MARCHF1: variants seen among roughly 807,000 people sequenced by gnomAD.
MARCHF1 encodes membrane associated ring-CH-type finger 1.
Under a neutral mutation model 54.2 loss-of-function variants are expected in MARCHF1, and 40 were observed. That is an observed-to-expected ratio of 0.74 (90% CI 0.57 to 0.96). The LOEUF (loss-of-function observed/expected upper bound fraction) is 0.96. MARCHF1 is among the 40% of genes least tolerant of loss of function. The pLI is 0.00. For synonymous variants in MARCHF1, 236 were observed against 236.3 expected (o/e 1.00, Z 0.01); for missense variants, 586 against 656.5 (o/e 0.89, Z 1.17).
chr4:163,893,023 T>C lies in MARCHF1; in HGVS notation c.-38-38854A>G, dbSNP rs147615245. Among the ~76,000 whole-genome samples, 412 of 151,904 alleles carry C rather than the reference T, an allele frequency of 2.7e-3. 4 individuals carry two copies. The highest frequency in any genetic ancestry group is 9.0e-3 in the African/African-American group (373 of 41,446). On this transcript the variant is annotated intron_variant, in intron 3 of 9. Transcript: ENST00000514618. ...CTGAACTTAGGCAAAACGGATCTTT[T>C]ATAAAGCACAATAAGTCAGTTTGAC...
At chr4:163,633,377 A>G (rs1210014226) in intron 5 of MARCHF1, among the ~76,000 whole-genome samples, 3 of 152,254 alleles carry the variant, frequency 2.0e-5, no homozygotes, top group Admixed American at 6.5e-5. Context: ...ATAACTAGAA[A>G]AACCAATACA....
chr4:163,947,333 C>A (rs1275173513), intron 3 of MARCHF1, among the ~76,000 whole-genome samples: 1 of 152,090 alleles, frequency 6.6e-6, no homozygotes, highest in Non-Finnish European at 1.5e-5. Flanking sequence ...GAATAATGTT[C>A]CCAAACTGTT....
At chr4:164,276,377 CT>C (rs1733880046) in intron 1 of MARCHF1, among the ~76,000 whole-genome samples, 1 of 152,044 alleles carries the variant, frequency 6.6e-6, no homozygotes, top group South Asian at 2.1e-4. Context: ...CAAAATTGTG[CT>C]TTTCCTCAAA....
chr4:163,870,876 C>T (rs1183314128), intron 3 of MARCHF1, among the ~76,000 whole-genome samples: 1 of 151,996 alleles, frequency 6.6e-6, no homozygotes, highest in Non-Finnish European at 1.5e-5. Flanking sequence ...TTAATGAATA[C>T]AAAATTACAG....
chr4:164,204,515 C>T (rs997645044), intron 1 of MARCHF1, among the ~76,000 whole-genome samples: 3 of 152,160 alleles, frequency 2.0e-5, no homozygotes, highest in African/African-American at 7.2e-5. Flanking sequence ...AAGTACAGAA[C>T]ATATTTTGCC....
intron 1 of MARCHF1, among the ~76,000 whole-genome samples, chr4:164,250,662 A>G (rs980840505): frequency 6.6e-6 from 1 of 152,116 alleles, no homozygotes; most frequent in African/African-American, 2.4e-5. Context: ...TTGATCATAA[A>G]TCTCATAAAA....
intron 2 of MARCHF1, among the ~76,000 whole-genome samples, chr4:164,011,263 C>A (rs1753413926): frequency 6.6e-6 from 1 of 152,098 alleles, no homozygotes; most frequent in Admixed American, 6.5e-5. Flanking sequence ...CAAAAATTGA[C>A]AAATGAGATC....
intron 1 of MARCHF1, among the ~76,000 whole-genome samples, chr4:164,230,454 T>C (rs1254163525): frequency 6.6e-6 from 1 of 152,024 alleles, no homozygotes; most frequent in Non-Finnish European, 1.5e-5. Flanking sequence ...TGTAACATTT[T>C]GATAGATGTA....
intron 4 of MARCHF1, among the ~76,000 whole-genome samples, chr4:163,726,365 A>C (rs1323942230): frequency 1.3e-5 from 2 of 152,194 alleles, no homozygotes; most frequent in Non-Finnish European, 2.9e-5. Context: ...TGAAATAATA[A>C]AGGATGTAGT....
At chr4:164,038,366 A>C (rs1320124055) in intron 2 of MARCHF1, among the ~76,000 whole-genome samples, 2 of 152,076 alleles carry the variant, frequency 1.3e-5, no homozygotes, top group Non-Finnish European at 2.9e-5. Flanking sequence ...TGGTGGCGGC[A>C]CCTGTAGTCC....
chr4:163,728,665 A>G (rs1436984494), intron 4 of MARCHF1, among the ~76,000 whole-genome samples: 1 of 152,224 alleles, frequency 6.6e-6, no homozygotes, highest in Non-Finnish European at 1.5e-5. Flanking sequence ...GAAACCTCAC[A>G]ATAATCACTT....
In MARCHF1 at chr4:163,894,556, C is replaced by CATGCATATATATATATGCATATATATGTG. The variant is rs1560807518; in HGVS notation, c.-38-40388_-38-40387insCACATATATATGCATATATATATATGCAT. ...GAAAGATAAGAAATCTACTCCTGCA[C>CATGCATATATATATATGCATATATATGTG]ATGCATATATATATATGCATGTGAT... On this transcript the variant is annotated intron_variant, in intron 3 of 9. Transcript: ENST00000514618. Among the ~76,000 whole-genome samples the CATGCATATATATATATGCATATATATGTG allele has an allele frequency of 3.9e-4, 10 of 25,390 alleles. 4 individuals are homozygous for CATGCATATATATATATGCATATATATGTG. The highest frequency in any genetic ancestry group is 2.4e-3 in the African/African-American group (10 of 4,246). The allele number at this position is 25,390 out of a possible 152,430, so 16.7% of individuals were successfully genotyped here. A position where few individuals can be genotyped will look rare whatever the true frequency, so the allele number is the denominator to read the frequency against.
intron 4 of MARCHF1, among the ~76,000 whole-genome samples, chr4:163,801,643 A>G (rs535182461): frequency 1.3e-5 from 2 of 152,254 alleles, no homozygotes; most frequent in East Asian, 3.9e-4. Flanking sequence ...AATATGCACC[A>G]TCTTCCCCAC....
At chr4:163,728,401 A>C (rs1028903358) in intron 4 of MARCHF1, among the ~76,000 whole-genome samples, 3 of 152,212 alleles carry the variant, frequency 2.0e-5, no homozygotes, top group Non-Finnish European at 4.4e-5. Flanking sequence ...GGCAAAACTA[A>C]CATCTTAACA....
chr4:164,061,129 G>A (rs555330322), intron 2 of MARCHF1, among the ~76,000 whole-genome samples: 1 of 152,106 alleles, frequency 6.6e-6, no homozygotes, highest in African/African-American at 2.4e-5. Context: ...AATAAATTAT[G>A]AGTTGAATAT....
At chr4:164,249,764 T>TA (rs5863672) in intron 1 of MARCHF1, among the ~76,000 whole-genome samples, 1,613 of 143,620 alleles carry the variant, frequency 0.011, 28 homozygotes, top group East Asian at 0.088. Context: ...CGGTTAGGAT[T>TA]AAAAAAAAAA....
intron 2 of MARCHF1, among the ~76,000 whole-genome samples, chr4:164,074,929 A>T (rs994313208): frequency 6.6e-6 from 1 of 151,570 alleles, no homozygotes; most frequent in Non-Finnish European, 1.5e-5. Context: ...ATAAAATATA[A>T]TTTCTTATAA....
At chr4:164,260,132 A>T (rs1733423771) in intron 1 of MARCHF1, among the ~76,000 whole-genome samples, 1 of 152,148 alleles carries the variant, frequency 6.6e-6, no homozygotes, top group Non-Finnish European at 1.5e-5. Context: ...AAATCTAAAA[A>T]GTTTTATCTT....
At chr4:164,284,432 T>G (rs1045048387) in intron 1 of MARCHF1, among the ~76,000 whole-genome samples, 1 of 150,678 alleles carries the variant, frequency 6.6e-6, no homozygotes, top group Non-Finnish European at 1.5e-5. Context: ...CGCCCTATAG[T>G]GTTTTGGTGC....
Sources: gnomAD v4.1 joint callset for allele counts (sites outside exome capture counted in the v4.1 genomes callset) on GRCh38, gnomAD v4.1.1 for gene constraint, MANE v1.5 for transcripts, NCBI Gene and HGNC (gene_info 2026-07-23, HGNC 2026-07-21) for gene names.